Variants in CALY observed in about 807,000 individuals in gnomAD.
CALY encodes calcyon neuron specific vesicular protein.
Under a neutral mutation model 20.2 loss-of-function variants are expected in CALY, and 15 were observed. That is an observed-to-expected ratio of 0.74 (90% CI 0.50 to 1.14). CALY has a LOEUF of 1.14. CALY is among the 50% of genes most tolerant of loss of function. The pLI is 0.00. For missense variants in CALY, 270 were observed against 304.4 expected (o/e 0.89, Z 0.84); for synonymous variants, 129 against 131.8 (o/e 0.98, Z 0.15).
intron 2 of CALY, 50 bp downstream of exon 2, chr10:133,328,801 CCTTT>C (rs1320015385): frequency 1.3e-6 from 2 of 1,501,154 alleles, no homozygotes; most frequent in African/African-American, 2.8e-5. Context: ...ACCCCACACC[CCTTT>C]GTTCCCAGGG....
chr10:133,326,450 A>G, intron 4 of CALY: 1 of 575,138 alleles, frequency 1.7e-6, no homozygotes, highest in South Asian at 2.4e-5. Context: ...CTTCTGATAA[A>G]TAAAAGGCTT....
intron 3 of CALY, chr10:133,327,701 G>A: frequency 1.5e-6 from 1 of 678,126 alleles, no homozygotes; most frequent in Non-Finnish European, 2.7e-6. Context: ...TGGTCAGTCT[G>A]CACCTGCAGC....
Position 133,336,001 on chromosome 10 carries a change from G to GC in CALY, c.-21+832dup, listed in dbSNP as rs925722461. On this transcript the variant is annotated intron_variant, in intron 1 of 5. Coordinates refer to ENST00000252939, the MANE Select transcript of CALY (RefSeq NM_015722.4). The stretch of plus-strand genomic sequence containing the variant: ...ACGTCACAGACTCGCTTCCGCATGC[G>GC]CCCCCCCCAACCATGGAATGCTGCG... Among the ~76,000 whole-genome samples the GC allele has an allele frequency of 3.1e-3, 474 of 151,742 alleles. 3 individuals carry two copies. Among genetic ancestry groups the GC allele is most frequent in the African/African-American group, 9.3e-3 (385 of 41,396 alleles).
At chr10:133,334,512 C>T (rs551466390) in intron 1 of CALY, among the ~76,000 whole-genome samples, 3 of 46,032 alleles carry the variant, frequency 6.5e-5, no homozygotes, top group African/African-American at 1.8e-4. Flanking sequence ...ATCTGAGGGG[C>T]GAAGGATCTG....
At chr10:133,335,874 G>A (rs1266228993) in intron 1 of CALY, among the ~76,000 whole-genome samples, 1 of 152,234 alleles carries the variant, frequency 6.6e-6, no homozygotes, top group Non-Finnish European at 1.5e-5. Context: ...TGGCAGATGG[G>A]TGGGGGCGCG....
In CALY at chr10:133,324,914, GC is replaced by G. The variant is rs942118245; in HGVS notation, c.*680del. On this transcript the variant is annotated 3_prime_UTR_variant, in exon 6 of 6. Coordinates refer to ENST00000252939, the MANE Select transcript of CALY (RefSeq NM_015722.4). ...GGAACCAGAGCTCACCCCTCATCAG[GC>G]CCCACTCCCCACTCAGACGCCCCCA... 42 of 234,984 alleles carry G rather than the reference GC, an allele frequency of 1.8e-4. No individual in the cohort carries two copies. Among genetic ancestry groups the G allele is most frequent in the African/African-American group, 9.7e-4 (41 of 42,290 alleles). The allele number at this position is 234,984 out of a possible 1,614,324, so 14.6% of individuals were successfully genotyped here.
At chr10:133,329,922 C>T (rs1322465545) in intron 1 of CALY, among the ~76,000 whole-genome samples, 1 of 152,188 alleles carries the variant, frequency 6.6e-6, no homozygotes, top group Non-Finnish European at 1.5e-5. Context: ...CAAGAGGGCA[C>T]CCGCGAGTCA....
chr10:133,325,683 C>A (rs1194510502), intron 5 of CALY, 116 bp downstream of exon 5: 7 of 464,766 alleles, frequency 1.5e-5, no homozygotes, highest in Non-Finnish European at 3.3e-6. Context: ...TCTGGCGGGC[C>A]GGGTCGGAGG....
rs182476009 is a variant in CALY at position 133,334,665 on chromosome 10, G to C, written c.-21+2169C>G. On this transcript the variant is annotated intron_variant, in intron 1 of 5. Transcript: ENST00000252939. ...GATTTGGAGGTGGCAGCTTCTGCGT[G>C]GGGAAAGAACTGAGGGGGAAGGATC... 4.2e-3 allele frequency among the ~76,000 whole-genome samples: 637 copies of C among 151,898 alleles called. 4 individuals carry two copies. The highest frequency in any genetic ancestry group is 0.015 in the African/African-American group (603 of 41,340).
intron 1 of CALY, among the ~76,000 whole-genome samples, chr10:133,329,392 C>CTTCTTCTTTTTTTTTTTTTTTTTT (rs549430070): frequency 1.5e-5 from 2 of 137,450 alleles, no homozygotes; most frequent in African/African-American, 5.8e-5. Context: ...TCTTCTTCTT[C>CTTCTTCTTTTTTTTTTTTTTTTTT]TTTTTTTTTT....
chr10:133,330,278 G>A (rs1476724344), intron 1 of CALY, among the ~76,000 whole-genome samples: 2 of 146,520 alleles, frequency 1.4e-5, no homozygotes, highest in African/African-American at 5.0e-5. Context: ...GCTTGAACCC[G>A]GGAGGCGGAG....
chr10:133,330,250 G>A (rs1357760390), intron 1 of CALY, among the ~76,000 whole-genome samples: 1 of 151,986 alleles, frequency 6.6e-6, no homozygotes, highest in Non-Finnish European at 1.5e-5. Flanking sequence ...CCACTCGGGA[G>A]GCTGAGGCGG....
intron 1 of CALY, among the ~76,000 whole-genome samples, chr10:133,329,392 C>CTTTTTTTTTTTTTTTT (rs112012967): frequency 2.9e-5 from 4 of 137,446 alleles, no homozygotes; most frequent in Admixed American, 7.4e-5. Context: ...TCTTCTTCTT[C>CTTTTTTTTTTTTTTTT]TTTTTTTTTT....
Position 133,325,814 on chromosome 10 carries a change from G to T in CALY, c.*13C>A. ...GCGCACCTACCCCGGGCCGGGCTGC[G>T]GGGCTGGAGACGTCACTGCGCGGGC... On this transcript the variant is annotated 3_prime_UTR_variant, in exon 5 of 6. Coordinates refer to ENST00000252939, the MANE Select transcript of CALY (RefSeq NM_015722.4). 2 of 1,198,388 alleles carry T rather than the reference G, an allele frequency of 1.7e-6. No homozygotes were observed. The highest frequency in any genetic ancestry group is 2.1e-6 in the Non-Finnish European group (2 of 964,872). The allele number at this position is 1,198,388 out of a possible 1,614,324, so 74.2% of individuals were successfully genotyped here. A position where few individuals can be genotyped will look rare whatever the true frequency, so the allele number is the denominator to read the frequency against.
At chr10:133,330,700 A>C (rs1848291620) in intron 1 of CALY, among the ~76,000 whole-genome samples, 1 of 143,244 alleles carries the variant, frequency 7.0e-6, no homozygotes, top group African/African-American at 2.6e-5. Flanking sequence ...ACCTTCTCTC[A>C]CAAAGAACTC....
intron 1 of CALY, among the ~76,000 whole-genome samples, chr10:133,330,538 G>T (rs1848287476): frequency 7.0e-6 from 1 of 143,330 alleles, no homozygotes; most frequent in Non-Finnish European, 1.5e-5. Flanking sequence ...GGCGCCTGTA[G>T]TCCCAGCTAC....
chr10:133,328,000 G>C lies in CALY; in HGVS notation c.151C>G (p.Gln51Glu), dbSNP rs774897669. Residue 51 changes from glutamine to glutamate, a missense_variant, in exon 3 of 6, where the codon CAG becomes GAG. Physicochemically the swap from Gln to Glu is conservative, Grantham distance 29 (BLOSUM62 2). Transcript: ENST00000252939. ...PLPDQVVIKT[Q>E]TEYQLSSPDQ... ...GGGGAGGACAGCTGGTATTCTGTCT[G>C]TGTCTTGATGACCACCTGTGAAAAG... The C allele has an allele frequency of 2.5e-6, 4 of 1,609,174 alleles. No homozygotes were observed. The South Asian group carries it at 4.4e-5, about 18-fold the overall frequency.
Position 133,326,139 on chromosome 10 carries a change from C to A in CALY, c.361-19G>T. On this transcript the variant is annotated intron_variant, in intron 4 of 5. Transcript: ENST00000252939. ...TCTTGTGCTGCGGGAGGGGCCGGGT[C>A]AGGGTCGGTGGGGCTGAGCCCTCCT... is the stretch of plus-strand genomic sequence containing the variant. 2 of 1,593,184 alleles carry A rather than the reference C, an allele frequency of 1.3e-6. No individual in the cohort carries two copies. Among genetic ancestry groups the A allele is most frequent in the South Asian group, 2.3e-5 (2 of 88,880 alleles).
At chr10:133,326,392 G>T in intron 4 of CALY, 1 of 830,622 alleles carries the variant, frequency 1.2e-6, no homozygotes, top group Non-Finnish European at 2.0e-6. Context: ...TGCGGAGCGC[G>T]CTCCAGAGCA....
Sources: allele counts gnomAD v4.1 joint callset (sites outside exome capture counted in the v4.1 genomes callset), GRCh38; gene constraint gnomAD v4.1.1; transcripts MANE v1.5; gene names NCBI Gene and HGNC (gene_info 2026-07-23, HGNC 2026-07-21).